ADGRB3: variants seen among roughly 807,000 people sequenced by gnomAD.
The protein encoded by ADGRB3 is brain-specific angiogenesis inhibitor 3.
In ADGRB3, 37 loss-of-function variants were observed where a neutral mutation model predicts 193.4. That is an observed-to-expected ratio of 0.19 (90% CI 0.15 to 0.25). The LOEUF (loss-of-function observed/expected upper bound fraction) is 0.25, where lower values mean the gene tolerates loss of function less well. Among genes scored for constraint, ADGRB3 ranks in the 10% least tolerant of loss-of-function variants. The pLI, the probability that ADGRB3 is intolerant of heterozygous loss-of-function variation, is 1.00. For missense variants in ADGRB3, 1,637 were observed against 1,852.9 expected (o/e 0.88, Z 2.14); for synonymous variants, 690 against 644.2 (o/e 1.07, Z -1.08).
chr6:69,302,818 G>A (rs1283391733), intron 20 of ADGRB3, among the ~76,000 whole-genome samples: 1 of 151,962 alleles, frequency 6.6e-6, no homozygotes, highest in East Asian at 1.9e-4. Flanking sequence ...GGAGAAAACT[G>A]TGTCCATATA....
At position 69,079,062 on chromosome 6, in the gene ADGRB3, A is replaced by G. The variant is rs376942079; in HGVS notation, c.2480+3024A>G. ...CTAACATTGGAAATTTGATGGAAGA[A>G]TGTTTCAGCTTGTTAAATAGTAAGA... is the stretch of plus-strand genomic sequence containing the variant. On this transcript the variant is annotated intron_variant, in intron 17 of 31. Coordinates refer to ENST00000370598, the MANE Select transcript of ADGRB3 (RefSeq NM_001704.3). 3.9e-5 allele frequency among the ~76,000 whole-genome samples: 6 copies of G among 152,090 alleles called. No homozygotes were observed. In the South Asian group the frequency reaches 8.3e-4, roughly 21 times the overall value.
chr6:69,197,243 T>C (rs1473305700), intron 17 of ADGRB3, among the ~76,000 whole-genome samples: 1 of 152,098 alleles, frequency 6.6e-6, no homozygotes, highest in Non-Finnish European at 1.5e-5. Flanking sequence ...ATTGCTAGTT[T>C]ATTTACCATT....
chr6:68,789,946 G>T (rs570197279), intron 3 of ADGRB3, among the ~76,000 whole-genome samples: 1 of 152,046 alleles, frequency 6.6e-6, no homozygotes, highest in Non-Finnish European at 1.5e-5. Context: ...TGATCGCATC[G>T]GCTATTGAGG....
At chr6:68,636,971 A>AG (rs1767974976) in intron 1 of ADGRB3, among the ~76,000 whole-genome samples, 1 of 151,980 alleles carries the variant, frequency 6.6e-6, no homozygotes, top group South Asian at 2.1e-4. Context: ...AAAAAAAAAA[A>AG]AAAAAAGGAA....
intron 3 of ADGRB3, among the ~76,000 whole-genome samples, chr6:68,737,208 T>C (rs943338948): frequency 1.6e-4 from 25 of 152,256 alleles, no homozygotes; most frequent in African/African-American, 5.8e-4. Context: ...GAATCAAGTA[T>C]AAGAATTGTA....
intron 3 of ADGRB3, among the ~76,000 whole-genome samples, chr6:68,773,103 A>C (rs1766671684): frequency 6.6e-6 from 1 of 151,698 alleles, no homozygotes; most frequent in Non-Finnish European, 1.5e-5. Context: ...AAACAGAGTG[A>C]GGATCTGTCT....
At chr6:68,751,578 A>G (rs947910099) in intron 3 of ADGRB3, among the ~76,000 whole-genome samples, 13 of 152,214 alleles carry the variant, frequency 8.5e-5, no homozygotes, top group African/African-American at 2.9e-4. Flanking sequence ...TACATAATCA[A>G]AATCTTATTA....
chr6:69,357,689 T>C (rs1769364199), intron 28 of ADGRB3, among the ~76,000 whole-genome samples: 1 of 151,878 alleles, frequency 6.6e-6, no homozygotes, highest in African/African-American at 2.4e-5. Flanking sequence ...TTCCTGGATT[T>C]AATCTAAATA....
intron 3 of ADGRB3, among the ~76,000 whole-genome samples, chr6:68,899,032 T>C (rs190610405): frequency 2.8e-4 from 42 of 152,280 alleles, no homozygotes; most frequent in Middle Eastern, 3.4e-3. Context: ...AGTATGGGCT[T>C]CAGTTAATAA....
At chr6:69,172,643 CAAAAAAAAAAAAA>C (rs70987454) in intron 17 of ADGRB3, among the ~76,000 whole-genome samples, 4 of 26,828 alleles carry the variant, frequency 1.5e-4, no homozygotes, top group African/African-American at 4.8e-4. Flanking sequence ...GACTCTGTCT[CAAAAAAAAAAAAA>C]AAAAAAAAAA....
intron 17 of ADGRB3, among the ~76,000 whole-genome samples, chr6:69,142,631 G>A (rs939443528): frequency 2.0e-5 from 3 of 152,188 alleles, no homozygotes; most frequent in Admixed American, 1.3e-4. Flanking sequence ...ATACCATATT[G>A]ATAGTATGTC....
chr6:68,801,165 T>C (rs2127370994), intron 3 of ADGRB3, among the ~76,000 whole-genome samples: 1 of 152,336 alleles, frequency 6.6e-6, no homozygotes, highest in South Asian at 2.1e-4. Flanking sequence ...CCTCCTCCTC[T>C]GTCCTGTGTT....
chr6:68,697,607 T>C (rs1765178052), intron 3 of ADGRB3, among the ~76,000 whole-genome samples: 1 of 151,974 alleles, frequency 6.6e-6, no homozygotes, highest in Non-Finnish European at 1.5e-5. Context: ...ATGATTCCTG[T>C]CTAGAAATCA....
intron 3 of ADGRB3, among the ~76,000 whole-genome samples, chr6:68,869,724 A>G: frequency 6.9e-6 from 1 of 143,904 alleles, no homozygotes; most frequent in Non-Finnish European, 1.5e-5. Flanking sequence ...AGGCCTGCAT[A>G]CATACATAAC....
At chr6:69,010,582 A>G (rs1336635) in intron 11 of ADGRB3, among the ~76,000 whole-genome samples, 61,609 of 151,796 alleles carry the variant, frequency 0.41, 13,165 homozygotes, top group Middle Eastern at 0.45. Flanking sequence ...CTAGGTAGCT[A>G]TTATTACTCT....
chr6:68,977,545 A>G (rs528233841), intron 10 of ADGRB3, among the ~76,000 whole-genome samples: 17 of 152,184 alleles, frequency 1.1e-4, no homozygotes, highest in Non-Finnish European at 2.4e-4. Flanking sequence ...CCATCTGATA[A>G]TGGATTAAGA....
chr6:69,047,414 T>C (rs993046443), intron 13 of ADGRB3, among the ~76,000 whole-genome samples: 3 of 150,288 alleles, frequency 2.0e-5, no homozygotes, highest in Admixed American at 2.0e-4. Flanking sequence ...TTAAATATAA[T>C]AAAATATATT....
intron 17 of ADGRB3, among the ~76,000 whole-genome samples, chr6:69,155,022 C>T (rs536653520): frequency 6.6e-6 from 1 of 152,174 alleles, no homozygotes; most frequent in Admixed American, 6.5e-5. Flanking sequence ...ATTGAAAATG[C>T]ATTTTGCCCA....
Position 68,765,757 on chromosome 6 carries a change from G to A in ADGRB3, c.757+126325G>A, listed in dbSNP as rs189712893. On this transcript the variant is annotated intron_variant, in intron 3 of 31. Transcript: ENST00000370598. ...AAGTTATACTAATATCATAAAATTG[G>A]ACAGTTTTGCCTCTTTTCCTATAGT... Among the ~76,000 whole-genome samples, 6 of 151,852 alleles carry A rather than the reference G, an allele frequency of 4.0e-5. No homozygotes were observed. The East Asian group carries it at 1.2e-3, about 29-fold the overall frequency.
Sources: allele counts gnomAD v4.1 joint callset (sites outside exome capture counted in the v4.1 genomes callset), GRCh38; gene constraint gnomAD v4.1.1; transcripts MANE v1.5; gene names NCBI Gene and HGNC (gene_info 2026-07-23, HGNC 2026-07-21).